AADACL2: variants seen among roughly 807,000 people sequenced by gnomAD.
The protein encoded by AADACL2 is arylacetamide deacetylase like 2.
A neutral mutation model predicts 22.3 loss-of-function variants in AADACL2; 23 were observed. The observed-to-expected ratio is 1.03, with a 90% CI of 0.74 to 1.46. The LOEUF (loss-of-function observed/expected upper bound fraction) is 1.46. AADACL2 is among the 40% of genes most tolerant of loss of function. AADACL2 has a pLI of 0.00. For synonymous variants in AADACL2, 177 were observed against 166.2 expected, an observed-to-expected ratio of 1.07 and a Z score of -0.50; for missense variants, 472 against 482.9, an observed-to-expected ratio of 0.98 and a Z score of 0.21.
intron 2 of AADACL2, 23 bp from the exon 3 acceptor site, chr3:151,744,070 T>C (rs1467419256): frequency 6.2e-7 from 1 of 1,608,308 alleles, no homozygotes; most frequent in Non-Finnish European, 8.5e-7. Context: ...GGAAATACTT[T>C]GATGTTTATT....
chr3:151,748,843 T>G (rs1254358207), intron 4 of AADACL2, among the ~76,000 whole-genome samples: 1 of 152,216 alleles, frequency 6.6e-6, no homozygotes, highest in African/African-American at 2.4e-5. Flanking sequence ...ATTGTAGTAG[T>G]GCTAACTGAA....
At position 151,747,641 on chromosome 3, in the gene AADACL2, G is replaced by A. The variant is rs375929547; in HGVS notation, c.603+1961G>A. On this transcript the variant is annotated intron_variant, in intron 4 of 4. Transcript: ENST00000356517. ...GTTTGTGTGTGTGTGTGTGTGTGTA[G>A]ATACACACACACACACACCAAATTT... is the stretch of plus-strand genomic sequence containing the variant. Among the ~76,000 whole-genome samples, 6 of 143,406 alleles carry A rather than the reference G, an allele frequency of 4.2e-5. No homozygotes were observed. In the East Asian group the frequency reaches 1.3e-3, roughly 30 times the overall value. The allele number at this position is 143,406 out of a possible 152,430, so 94.1% of individuals were successfully genotyped here. A position where few individuals can be genotyped will look rare whatever the true frequency, so the allele number is the denominator to read the frequency against.
chr3:151,736,952 GCCTT>G (rs1408289961), intron 1 of AADACL2, among the ~76,000 whole-genome samples: 1 of 152,040 alleles, frequency 6.6e-6, no homozygotes, highest in East Asian at 1.9e-4. Flanking sequence ...CAGTGTAAAA[GCCTT>G]CCTATTTCTC....
At chr3:151,756,355 T>C (rs555572470) in intron 4 of AADACL2, among the ~76,000 whole-genome samples, 91 of 152,130 alleles carry the variant, frequency 6.0e-4, no homozygotes, top group Non-Finnish European at 1.0e-3. Context: ...TCTCCCTTTG[T>C]TTCTCCAACA....
At chr3:151,746,905 G>GT (rs11373414) in intron 4 of AADACL2, among the ~76,000 whole-genome samples, 50,955 of 145,288 alleles carry the variant, frequency 0.35, 8,880 homozygotes, top group East Asian at 0.44. Flanking sequence ...TTTTTGTCAG[G>GT]TTTTTTTTTT....
At position 151,758,972 on chromosome 3, in the gene AADACL2, A is replaced by G. The variant is rs1166322210; in HGVS notation, c.*1378A>G. 6.6e-6 allele frequency: 1 copy of G among 152,134 alleles called. No individual in the cohort carries two copies. Among genetic ancestry groups the G allele is most frequent in the African/African-American group, 2.4e-5 (1 of 41,430 alleles). The allele number at this position is 152,134 out of a possible 1,614,324, so 9.4% of individuals were successfully genotyped here. ...ACAATTTCAACAGTCCACAAACAAA[A>G]TAAGATTTTTTTAATGTAGAGAGAA... On this transcript the variant is annotated 3_prime_UTR_variant, in exon 5 of 5. Coordinates refer to ENST00000356517, the MANE Select transcript of AADACL2 (RefSeq NM_207365.4).
At position 151,745,492 on chromosome 3, in the gene AADACL2, T is replaced by C; in HGVS notation, c.432-17T>C. ...GACAGATACAACCATAAATGCTTTATTATTCTTTCTTTAAAGCTATAGGCT... is the reference window on the plus strand; with the variant it reads ...GACAGATACAACCATAAATGCTTTACTATTCTTTCTTTAAAGCTATAGGCT... On this transcript the variant is annotated splice_polypyrimidine_tract_variant and intron_variant, in intron 3 of 4. Coordinates refer to ENST00000356517, the MANE Select transcript of AADACL2 (RefSeq NM_207365.4). The C allele has an allele frequency of 6.2e-7, 1 of 1,603,070 alleles. No individual in the cohort carries two copies. Among genetic ancestry groups the C allele is most frequent in the Non-Finnish European group, 8.5e-7 (1 of 1,175,944 alleles).
intron 4 of AADACL2, among the ~76,000 whole-genome samples, chr3:151,746,365 G>GTTTTTTTTTT (rs11385894): frequency 6.6e-5 from 9 of 136,946 alleles, no homozygotes; most frequent in Non-Finnish European, 9.4e-5. Flanking sequence ...TGTTTTTTTT[G>GTTTTTTTTTT]TTTTTTTTTT....
chr3:151,756,859 T>C (rs1370010808), intron 4 of AADACL2, 133 bp from the exon 5 acceptor site: 4 of 630,274 alleles, frequency 6.3e-6, no homozygotes, highest in Non-Finnish European at 9.0e-6. Flanking sequence ...TTATAAATAT[T>C]ATAAAAATAA....
chr3:151,757,586 A>G lies in AADACL2; in HGVS notation c.1198A>G (p.Asn400Asp). The G allele has an allele frequency of 6.2e-7, 1 of 1,604,736 alleles. No homozygotes were observed. The highest frequency in any genetic ancestry group is 8.5e-7 in the Non-Finnish European group (1 of 1,174,726). Residue 400 changes from asparagine to aspartate, a missense_variant, in exon 5 of 5, where the codon AAT becomes GAT. Asn to Asp is a conservative substitution (Grantham distance 23, BLOSUM62 1). Transcript: ENST00000356517. ...RDMYVSWLDK[N>D]L The stretch of plus-strand genomic sequence containing the variant: ...TATGTATGTAAGTTGGCTGGATAAG[A>G]ATTTATAAATATGTGATGTGTATGT...
intron 4 of AADACL2, among the ~76,000 whole-genome samples, chr3:151,749,963 A>G (rs1370782636): frequency 6.6e-6 from 1 of 152,178 alleles, no homozygotes; most frequent in East Asian, 1.9e-4. Flanking sequence ...ATCACTGAGT[A>G]TGATGTTAGC....
Position 151,740,756 on chromosome 3 carries a change from T to C in AADACL2, c.249T>C (p.Asp83=), listed in dbSNP as rs1553864811. Residue 83 remains aspartate (D), a synonymous_variant, in exon 2 of 5, where the codon GAT becomes GAC. Transcript: ENST00000356517. ...PLSDEYITVT[D]TTFVDIPVRL... ...CAGATGAATACATCACAGTGACTGA[T>C]ACAACATTTGTTGACATTCCAGTAC... The C allele has an allele frequency of 1.9e-6, 3 of 1,614,028 alleles. No homozygotes were observed. Among genetic ancestry groups the C allele is most frequent in the Admixed American group, 1.7e-5 (1 of 60,026 alleles).
chr3:151,737,010 C>T (rs545521832), intron 1 of AADACL2, among the ~76,000 whole-genome samples: 3 of 151,942 alleles, frequency 2.0e-5, no homozygotes, highest in African/African-American at 7.2e-5. Flanking sequence ...TTTTAATGAT[C>T]GCCATTCTAA....
rs765538270 is a variant in AADACL2, at chr3:151,757,139, A to G, written c.751A>G (p.Ser251Gly). 3 of 1,613,362 alleles carry G rather than the reference A, an allele frequency of 1.9e-6. No individual in the cohort carries two copies. ...CAGGGATGTAGCCATAAAACTCGTG[A>G]GCTTATATTTCACCAAGGATGAAGC... ...LTRDVAIKLVSLYFTKDEALP... is the reference protein window; with the variant it reads ...LTRDVAIKLVGLYFTKDEALP... Residue 251 changes from serine (S) to glycine (G), a missense_variant, in exon 5 of 5, where the codon AGC (serine) becomes GGC (glycine). Coordinates refer to ENST00000356517, the MANE Select transcript of AADACL2 (RefSeq NM_207365.4).
At chr3:151,750,442 C>T (rs78068463) in intron 4 of AADACL2, among the ~76,000 whole-genome samples, 7,292 of 152,148 alleles carry the variant, frequency 0.048, 589 homozygotes, top group African/African-American at 0.17. Flanking sequence ...CATCTATGTT[C>T]CTAACGAATA....
Position 151,740,887 on chromosome 3 carries a change from G to A in AADACL2, c.361+19G>A, listed in dbSNP as rs1304633058. 4 of 1,605,498 alleles carry A rather than the reference G, an allele frequency of 2.5e-6. No individual in the cohort carries two copies. The highest frequency in any genetic ancestry group is 3.4e-6 in the Non-Finnish European group (4 of 1,173,544). On this transcript the variant is annotated intron_variant, in intron 2 of 4. Transcript: ENST00000356517. ...AGTTCCAGTAAGTTCATTGTATAAG[G>A]AAAAAGTGTAGCTAGCTCTACATTT...
At chr3:151,750,148 G>T (rs926886908) in intron 4 of AADACL2, among the ~76,000 whole-genome samples, 4 of 152,182 alleles carry the variant, frequency 2.6e-5, no homozygotes, top group African/African-American at 9.7e-5. Flanking sequence ...TGATAGATTT[G>T]TGTGTATTGA....
intron 1 of AADACL2, among the ~76,000 whole-genome samples, chr3:151,740,226 C>T (rs1713232852): frequency 6.6e-6 from 1 of 152,218 alleles, no homozygotes; most frequent in South Asian, 2.1e-4. Context: ...CCCTCAACGG[C>T]TTCCCTTGGG....
At chr3:151,744,791 T>C (rs1473001230) in intron 3 of AADACL2, among the ~76,000 whole-genome samples, 1 of 152,152 alleles carries the variant, frequency 6.6e-6, no homozygotes, top group Admixed American at 6.6e-5. Context: ...ATATTGGCTA[T>C]AGAAATATAC....
Sources: gnomAD v4.1 joint callset for allele counts (sites outside exome capture counted in the v4.1 genomes callset) on GRCh38, gnomAD v4.1.1 for gene constraint, MANE v1.5 for transcripts, NCBI Gene and HGNC (gene_info 2026-07-23, HGNC 2026-07-21) for gene names.